Variants in TENM2 observed in about 807,000 individuals in gnomAD.
TENM2 encodes the protein teneurin-2.
A neutral mutation model predicts 245.2 loss-of-function variants in TENM2; 52 were observed. The ratio of observed to expected loss-of-function variants is 0.21; its 90% CI spans 0.17 to 0.27. TENM2 has a LOEUF of 0.27. TENM2 is among the 10% of genes least tolerant of loss of function. TENM2 has a pLI of 1.00. For missense variants in TENM2, 3,046 were observed against 3,666.8 expected, an observed-to-expected ratio of 0.83 and a Z score of 4.37; for synonymous variants, 1,363 against 1,438.9, an observed-to-expected ratio of 0.95 and a Z score of 1.19.
chr5:167,440,965 G>A (rs561989667), intron 2 of TENM2, among the ~76,000 whole-genome samples: 1 of 152,254 alleles, frequency 6.6e-6, no homozygotes, highest in African/African-American at 2.4e-5. Flanking sequence ...TTCCTGACCA[G>A]CATATGGATG....
At chr5:167,238,182 C>T in the TENM2 span, among the ~76,000 whole-genome samples, 7 of 152,016 alleles carry the variant, frequency 4.6e-5, no homozygotes, top group South Asian at 6.2e-4. Context: ...TCCATAAGAG[C>T]GTTATACAAT....
chr5:167,857,197 T>A (rs1270969345), intron 2 of TENM2, among the ~76,000 whole-genome samples: 3 of 152,110 alleles, frequency 2.0e-5, no homozygotes, highest in Non-Finnish European at 4.4e-5. Flanking sequence ...AAAGGAGAGG[T>A]ATAGATACAT....
intron 2 of TENM2, among the ~76,000 whole-genome samples, chr5:167,780,225 C>G (rs1764098795): frequency 1.3e-5 from 2 of 152,190 alleles, no homozygotes; most frequent in Admixed American, 6.5e-5. Context: ...AACAGTCGAT[C>G]CTTGTGATTC....
chr5:167,434,133 T>A (rs1341143157), intron 2 of TENM2, among the ~76,000 whole-genome samples: 1 of 151,920 alleles, frequency 6.6e-6, no homozygotes, highest in Non-Finnish European at 1.5e-5. Flanking sequence ...TTCATTCAGA[T>A]AATTAGGGCT....
chr5:167,462,189 C>T (rs937383089), intron 2 of TENM2, among the ~76,000 whole-genome samples: 6 of 132,648 alleles, frequency 4.5e-5, no homozygotes, highest in African/African-American at 1.4e-4. Context: ...CCACCCCCCC[C>T]CCCCATTGCA....
intron 1 of TENM2, among the ~76,000 whole-genome samples, chr5:167,298,596 C>T (rs886733816): frequency 2.6e-5 from 4 of 151,932 alleles, no homozygotes; most frequent in South Asian, 4.1e-4. Context: ...AGCGAGACTC[C>T]GTCTCAAAAA....
At chr5:168,146,240 A>G (rs1347893242) in intron 12 of TENM2, among the ~76,000 whole-genome samples, 2 of 152,160 alleles carry the variant, frequency 1.3e-5, no homozygotes, top group Non-Finnish European at 2.9e-5. Flanking sequence ...TAAAACGTGC[A>G]CATATGACAT....
At chr5:168,096,731 G>A (rs890981321) in intron 8 of TENM2, among the ~76,000 whole-genome samples, 3 of 152,122 alleles carry the variant, frequency 2.0e-5, no homozygotes, top group African/African-American at 7.2e-5. Flanking sequence ...CATGTCACCA[G>A]GTCAAAGTCC....
chr5:167,933,981 C>T (rs950071058), intron 3 of TENM2, among the ~76,000 whole-genome samples: 5 of 152,260 alleles, frequency 3.3e-5, no homozygotes, highest in African/African-American at 1.2e-4. Flanking sequence ...ATGAATTTGA[C>T]ACACACAGTG....
At chr5:167,496,351 A>T (rs896896368) in intron 2 of TENM2, among the ~76,000 whole-genome samples, 1 of 152,092 alleles carries the variant, frequency 6.6e-6, no homozygotes, top group Non-Finnish European at 1.5e-5. Flanking sequence ...TTTTAAAATG[A>T]CACTGAGAGG....
chr5:167,176,514 A>G, the TENM2 span, among the ~76,000 whole-genome samples: 1 of 152,208 alleles, frequency 6.6e-6, no homozygotes, highest in African/African-American at 2.4e-5. Flanking sequence ...TTATTCATCT[A>G]CCAACTTAGA....
At chr5:167,083,756 A>T in the TENM2 span, among the ~76,000 whole-genome samples, 1 of 152,196 alleles carries the variant, frequency 6.6e-6, no homozygotes, top group African/African-American at 2.4e-5. Flanking sequence ...GGAACAAATC[A>T]GTTTGACTCA....
chr5:167,238,344 T>C, the TENM2 span, among the ~76,000 whole-genome samples: 35,339 of 152,076 alleles, frequency 0.23, 5,078 homozygotes, highest in African/African-American at 0.41. Flanking sequence ...TCAGGTCTTA[T>C]GAAATATCAA....
At chr5:167,349,035 A>G (rs1758651636) in intron 1 of TENM2, among the ~76,000 whole-genome samples, 1 of 152,326 alleles carries the variant, frequency 6.6e-6, no homozygotes, top group Middle Eastern at 3.4e-3. Flanking sequence ...TAGTTTACAA[A>G]TTATAAAATT....
chr5:167,652,091 A>G (rs1754508364), intron 2 of TENM2, among the ~76,000 whole-genome samples: 1 of 152,032 alleles, frequency 6.6e-6, no homozygotes, highest in African/African-American at 2.4e-5. Flanking sequence ...TCAGTTCTTA[A>G]TGGTAGGGTT....
chr5:167,050,451 C>T, the TENM2 span, among the ~76,000 whole-genome samples: 1 of 152,106 alleles, frequency 6.6e-6, no homozygotes, highest in African/African-American at 2.4e-5. Context: ...ATCCCTGGTG[C>T]CAAAAGGTTG....
At chr5:167,825,389 C>G (rs1479852354) in intron 2 of TENM2, among the ~76,000 whole-genome samples, 2 of 152,216 alleles carry the variant, frequency 1.3e-5, no homozygotes, top group African/African-American at 4.8e-5. Context: ...GCTGTCCCCA[C>G]TTCTGTGAGA....
intron 2 of TENM2, among the ~76,000 whole-genome samples, chr5:167,842,865 A>C (rs1769677517): frequency 6.6e-6 from 1 of 152,198 alleles, no homozygotes; most frequent in Admixed American, 6.5e-5. Context: ...GCGCACACTT[A>C]GCCGTGCTGG....
intron 5 of TENM2, among the ~76,000 whole-genome samples, chr5:168,028,327 G>A (rs1408600991): frequency 6.6e-6 from 1 of 152,288 alleles, no homozygotes; most frequent in East Asian, 1.9e-4. Flanking sequence ...CTTTACACAC[G>A]AGACAGCCAG....
Sources: gnomAD v4.1 joint callset for allele counts (sites outside exome capture counted in the v4.1 genomes callset) on GRCh38, gnomAD v4.1.1 for gene constraint, MANE v1.5 for transcripts, NCBI Gene and HGNC (gene_info 2026-07-23, HGNC 2026-07-21) for gene names.